Variants in SMCHD1 observed in about 807,000 individuals in gnomAD.
SMCHD1 encodes the protein structural maintenance of chromosomes flexible hinge domain containing 1.
Under a neutral mutation model 254.7 loss-of-function variants are expected in SMCHD1, and 78 were observed. The observed-to-expected ratio is 0.31, with a 90% confidence interval of 0.26 to 0.37. The LOEUF (loss-of-function observed/expected upper bound fraction) is 0.37, where lower values mean the gene tolerates loss of function less well. Among genes scored for constraint, SMCHD1 ranks in the 10% least tolerant of loss-of-function variants. The pLI, the probability that SMCHD1 is intolerant of heterozygous loss-of-function variation, is 1.00. For synonymous variants in SMCHD1, 766 were observed against 794.9 expected (o/e 0.96, Z 0.61); for missense variants, 1,840 against 2,408.1 (o/e 0.76, Z 4.94).
intron 35 of SMCHD1, among the ~76,000 whole-genome samples, chr18:2,761,777 C>T (rs771833148): frequency 5.3e-5 from 8 of 152,168 alleles, no homozygotes; most frequent in African/African-American, 7.2e-5. Flanking sequence ...GAGATCACCC[C>T]TCTGCACTCC....
Position 2,763,648 on chromosome 18 carries a change from C to A in SMCHD1, c.4578C>A (p.Asp1526Glu). The change falls in exon 37 of 48, where the codon GAC (aspartate) becomes GAA (glutamate). Residue 1526 changes from aspartate (D) to glutamate (E), a missense_variant. Coordinates refer to ENST00000320876, the MANE Select transcript of SMCHD1 (RefSeq NM_015295.3). ...DLHLSITDDYDNHTGIDLVGT... is the reference protein window; with the variant it reads ...DLHLSITDDYENHTGIDLVGT... Reference sequence around the variant, plus strand: ...TTTTTTGTTTTAAGGATGACTACGACAACCATACTGGAATTGATTTGGTTG... The same window carrying A: ...TTTTTTGTTTTAAGGATGACTACGAAAACCATACTGGAATTGATTTGGTTG... The A allele has an allele frequency of 6.4e-7, 1 of 1,571,732 alleles. No individual in the cohort carries two copies. The highest frequency in any genetic ancestry group is 8.6e-7 in the Non-Finnish European group (1 of 1,165,502).
At chr18:2,746,784 C>T (rs376795595) in intron 29 of SMCHD1, among the ~76,000 whole-genome samples, 1 of 152,102 alleles carries the variant, frequency 6.6e-6, no homozygotes, top group African/African-American at 2.4e-5. Context: ...CTTTTGTAAA[C>T]TTTTAAAATG....
intron 44 of SMCHD1, among the ~76,000 whole-genome samples, chr18:2,782,354 A>T (rs1269735393): frequency 6.6e-6 from 1 of 152,128 alleles, no homozygotes; most frequent in Non-Finnish European, 1.5e-5. Context: ...ATAAAAGGAG[A>T]GCCAAACTGT....
intron 37 of SMCHD1, among the ~76,000 whole-genome samples, chr18:2,767,585 T>C (rs2075890924): frequency 9.5e-5 from 1 of 10,504 alleles, no homozygotes; most frequent in South Asian, 1.7e-3. Flanking sequence ...ACCTATTTCC[T>C]TTTTTTTTTT....
chr18:2,738,513 T>C lies in SMCHD1; in HGVS notation c.3393T>C (p.Asp1131=), dbSNP rs775223218. 4 of 1,612,690 alleles carry C rather than the reference T, an allele frequency of 2.5e-6. No homozygotes were observed. The highest frequency in any genetic ancestry group is 1.7e-4 in the Middle Eastern group (1 of 6,050). ...ATTGCCAGGTTTCATTCCAAGATGATCATGTGTCTTTGGAAAGTGCGTTTA... is the reference window on the plus strand; with the variant it reads ...ATTGCCAGGTTTCATTCCAAGATGACCATGTGTCTTTGGAAAGTGCGTTTA... ...MRYCQVSFQD[D]HVSLESAFTV... The change falls in exon 26 of 48, where the codon GAT becomes GAC. Residue 1131 remains aspartate (D), a synonymous_variant. Transcript: ENST00000320876.
At chr18:2,784,162 G>C (rs1249057323) in intron 44 of SMCHD1, among the ~76,000 whole-genome samples, 5 of 152,186 alleles carry the variant, frequency 3.3e-5, no homozygotes, top group African/African-American at 9.6e-5. Flanking sequence ...CCAAAGCACA[G>C]AACTCTCTGG....
chr18:2,773,922 C>T (rs544411251), intron 41 of SMCHD1, among the ~76,000 whole-genome samples: 2 of 151,304 alleles, frequency 1.3e-5, no homozygotes, highest in East Asian at 3.9e-4. Context: ...GACTCTGTCT[C>T]AAAAAAATAA....
At chr18:2,770,345 G>A (rs1047166276) in intron 39 of SMCHD1, among the ~76,000 whole-genome samples, 1 of 152,150 alleles carries the variant, frequency 6.6e-6, no homozygotes, top group African/African-American at 2.4e-5. Flanking sequence ...TTAGGAATCT[G>A]GACCTGTGGA....
intron 47 of SMCHD1, among the ~76,000 whole-genome samples, chr18:2,798,310 A>T (rs1360355837): frequency 6.6e-6 from 1 of 152,196 alleles, no homozygotes. Flanking sequence ...TGATGTGTTC[A>T]TGGGCATGAG....
In SMCHD1 at chr18:2,673,306, C is replaced by A; in HGVS notation, c.450C>A (p.Asp150Glu). 1 of 1,588,362 alleles carries A rather than the reference C, an allele frequency of 6.3e-7. No individual in the cohort carries two copies. Among genetic ancestry groups the A allele is most frequent in the Non-Finnish European group, 8.6e-7 (1 of 1,161,944 alleles). The change falls in exon 4 of 48, where the codon GAC (aspartate) becomes GAA (glutamate). Residue 150 changes from aspartate to glutamate, a missense_variant. By Grantham distance (45) the Asp-to-Glu change is conservative. Around this residue, in one of 9 missense-constraint regions of SMCHD1, gnomAD observed 498 missense variants for 743.5 expected, o/e 0.67. Coordinates refer to ENST00000320876, the MANE Select transcript of SMCHD1 (RefSeq NM_015295.3). ...CATTTGCTCTTGCGGAATTAATTGA[C>A]AATTCATTGTCTGCTACTTCTCGTA... The part of the protein sequence containing the change: ...PLPFALAELI[D>E]NSLSATSRNI...
In SMCHD1 at chr18:2,762,100, G is replaced by T. The variant is rs776174747; in HGVS notation, c.4435-5G>T. ...TTAATCAGAATGTCTCTTTTGTTTT[G>T]TAAGGTTATAGTTGAAGTCCTGCCT... On this transcript the variant is annotated splice_region_variant and splice_polypyrimidine_tract_variant and intron_variant, in intron 35 of 47. Transcript: ENST00000320876. The T allele has an allele frequency of 3.1e-6, 5 of 1,611,696 alleles. No homozygotes were observed. The highest frequency in any genetic ancestry group is 4.2e-6 in the Non-Finnish European group (5 of 1,178,554).
chr18:2,659,637 A>G (rs2073182756), intron 1 of SMCHD1, among the ~76,000 whole-genome samples: 1 of 152,058 alleles, frequency 6.6e-6, no homozygotes, highest in Non-Finnish European at 1.5e-5. Context: ...CCCACCACCA[A>G]TTTGAAGAAA....
At chr18:2,709,246 A>ATATATATG (rs759808617) in intron 17 of SMCHD1, among the ~76,000 whole-genome samples, 8 of 107,446 alleles carry the variant, frequency 7.4e-5, no homozygotes, top group African/African-American at 1.2e-4. Flanking sequence ...ATATATATAT[A>ATATATATG]TATACACACA....
At chr18:2,691,902 CA>C (rs1291762124) in intron 7 of SMCHD1, 2 of 152,246 alleles carry the variant, frequency 1.3e-5, no homozygotes, top group Non-Finnish European at 2.9e-5. Context: ...AGTTTCTGGC[CA>C]TAACTAGGGC....
At chr18:2,691,111 A>C (rs1374002287) in intron 7 of SMCHD1, among the ~76,000 whole-genome samples, 2 of 151,992 alleles carry the variant, frequency 1.3e-5, no homozygotes, top group Non-Finnish European at 2.9e-5. Context: ...AACAAATTGC[A>C]TATTTTGATA....
At chr18:2,773,225 A>T (rs2076012808) in intron 41 of SMCHD1, among the ~76,000 whole-genome samples, 1 of 152,212 alleles carries the variant, frequency 6.6e-6, no homozygotes, top group Admixed American at 6.5e-5. Context: ...TTAAATATAA[A>T]TTTATGTATT....
At chr18:2,727,184 GT>G (rs1418480390) in intron 22 of SMCHD1, 1 of 152,066 alleles carries the variant, frequency 6.6e-6, no homozygotes, top group Non-Finnish European at 1.5e-5. Flanking sequence ...ATATGCGTGA[GT>G]TTTCATTAAC....
intron 13 of SMCHD1, 49 bp from the exon 14 acceptor site, chr18:2,705,645 G>A (rs752556014): frequency 4.5e-5 from 41 of 906,240 alleles, no homozygotes; most frequent in Admixed American, 8.5e-5. Context: ...TTTTCTCTTC[G>A]TAAATCTTAA....
At chr18:2,749,456 G>C (rs1056247407) in intron 30 of SMCHD1, among the ~76,000 whole-genome samples, 1 of 152,162 alleles carries the variant, frequency 6.6e-6, no homozygotes, top group Non-Finnish European at 1.5e-5. Context: ...CTAGTTTCTG[G>C]AGAACCATCT....
Sources: allele counts gnomAD v4.1 joint callset (sites outside exome capture counted in the v4.1 genomes callset), GRCh38; gene constraint gnomAD v4.1.1; regional missense constraint gnomAD v4.1.1; transcripts MANE v1.5; gene names NCBI Gene and HGNC (gene_info 2026-07-23, HGNC 2026-07-21).